LRBA: variants seen among roughly 807,000 people sequenced by gnomAD.
LRBA encodes the protein lipopolysaccharide-responsive and beige-like anchor protein.
Under a neutral mutation model 330.0 loss-of-function variants are expected in LRBA, and 176 were observed. The ratio of observed to expected loss-of-function variants is 0.53; its 90% CI spans 0.47 to 0.60. The LOEUF (loss-of-function observed/expected upper bound fraction) is 0.60, where lower values mean the gene tolerates loss of function less well. LRBA is among the 20% of genes least tolerant of loss of function. LRBA has a pLI of 0.00. For synonymous variants in LRBA, 1,230 were observed against 1,193.0 expected (o/e 1.03, Z -0.64); for missense variants, 3,259 against 3,444.8 (o/e 0.95, Z 1.35).
chr4:150,307,062 G>C (rs1730442434), intron 52 of LRBA, among the ~76,000 whole-genome samples: 1 of 151,880 alleles, frequency 6.6e-6, no homozygotes. Context: ...TTAATTATTA[G>C]TGTTATATGA....
At chr4:150,934,100 G>A (rs1734806061) in intron 2 of LRBA, among the ~76,000 whole-genome samples, 1 of 151,784 alleles carries the variant, frequency 6.6e-6, no homozygotes, top group Admixed American at 6.6e-5. Context: ...AATACAAATG[G>A]TATTAATACA....
chr4:150,359,526 T>C (rs948405972), intron 47 of LRBA, among the ~76,000 whole-genome samples: 2 of 152,210 alleles, frequency 1.3e-5, no homozygotes, highest in Non-Finnish European at 2.9e-5. Context: ...AGTTTGAACC[T>C]TAACCATACT....
At chr4:150,787,236 C>T (rs1460675526) in intron 34 of LRBA, among the ~76,000 whole-genome samples, 4 of 151,438 alleles carry the variant, frequency 2.6e-5, no homozygotes, top group Non-Finnish European at 5.9e-5. Context: ...AAAAAAAACA[C>T]TGATTCAGAA....
At chr4:150,300,542 T>A (rs1324987728) in intron 53 of LRBA, among the ~76,000 whole-genome samples, 1 of 151,978 alleles carries the variant, frequency 6.6e-6, no homozygotes, top group African/African-American at 2.4e-5. Context: ...ACACCTTAAC[T>A]CAGTTCTGTT....
chr4:150,433,620 C>A (rs570915193), intron 46 of LRBA, among the ~76,000 whole-genome samples: 70 of 151,856 alleles, frequency 4.6e-4, no homozygotes, highest in Non-Finnish European at 8.7e-4. Flanking sequence ...GAAAAAAAAA[C>A]CCACACATAA....
chr4:150,950,808 C>G (rs548335026), intron 2 of LRBA, among the ~76,000 whole-genome samples: 1 of 152,164 alleles, frequency 6.6e-6, no homozygotes, highest in East Asian at 1.9e-4. Context: ...GTACCTCACA[C>G]CCAGGTCACA....
At chr4:150,717,119 A>G (rs1205087804) in intron 36 of LRBA, among the ~76,000 whole-genome samples, 2 of 152,214 alleles carry the variant, frequency 1.3e-5, no homozygotes, top group African/African-American at 4.8e-5. Flanking sequence ...TATACTAGCT[A>G]TATGACCTAA....
chr4:150,412,655 A>C (rs1747168387), intron 47 of LRBA, among the ~76,000 whole-genome samples: 1 of 152,102 alleles, frequency 6.6e-6, no homozygotes, highest in Non-Finnish European at 1.5e-5. Flanking sequence ...AGTGAAGTAA[A>C]CATACTAACA....
chr4:150,929,496 T>C (rs1449999883), intron 2 of LRBA, among the ~76,000 whole-genome samples: 2 of 152,330 alleles, frequency 1.3e-5, no homozygotes, highest in Non-Finnish European at 2.9e-5. Context: ...CTCAGAGTGG[T>C]CACACATTGG....
At chr4:150,334,250 G>C (rs1436226535) in intron 48 of LRBA, among the ~76,000 whole-genome samples, 1 of 151,808 alleles carries the variant, frequency 6.6e-6, no homozygotes, top group Non-Finnish European at 1.5e-5. Flanking sequence ...CAAGAAAATG[G>C]ATACACCAGG....
rs536499096 is a variant in LRBA at position 150,982,358 on chromosome 4, G to T, written c.216+32069C>A. ...TGTAATGTTTTAAATGGGCTTTAAA[G>T]CTTCAAAAACTAAAATGCCCCTTGA... On this transcript the variant is annotated intron_variant, in intron 2 of 56. Transcript: ENST00000651943. Among the ~76,000 whole-genome samples the T allele has an allele frequency of 3.3e-4, 50 of 152,180 alleles. 1 individual carries two copies. In the South Asian group the frequency reaches 9.7e-3, roughly 30 times the overall value.
Position 150,576,003 on chromosome 4 carries a change from A to T in LRBA, c.6330+12045T>A, listed in dbSNP as rs185286179. Among the ~76,000 whole-genome samples, 11 of 152,054 alleles carry T rather than the reference A, an allele frequency of 7.2e-5. No homozygotes were observed. The East Asian group carries it at 2.1e-3, about 29-fold the overall frequency. On this transcript the variant is annotated intron_variant, in intron 40 of 56. Coordinates refer to ENST00000651943, the MANE Select transcript of LRBA (RefSeq NM_001364905.1). ...TCTCCAGGTAGAAAAGTCACAAAGA[A>T]TAATCCACAAATTATACAATCATTT...
intron 40 of LRBA, among the ~76,000 whole-genome samples, chr4:150,550,738 T>C (rs1254343832): frequency 1.3e-5 from 2 of 152,240 alleles, no homozygotes; most frequent in Non-Finnish European, 2.9e-5. Context: ...TCATTCATAA[T>C]AAATCACTGT....
At chr4:150,758,883 AC>A (rs1734692446) in intron 35 of LRBA, among the ~76,000 whole-genome samples, 1 of 150,414 alleles carries the variant, frequency 6.6e-6, no homozygotes, top group South Asian at 2.1e-4. Flanking sequence ...CTATCTCTTC[AC>A]TTCTATCCTT....
chr4:150,369,834 T>C (rs1000314228), intron 47 of LRBA, among the ~76,000 whole-genome samples: 6 of 152,296 alleles, frequency 3.9e-5, no homozygotes, highest in African/African-American at 1.2e-4. Context: ...CATGCCTTTA[T>C]AAGAGCATTA....
chr4:150,725,853 A>G (rs1258174988), intron 36 of LRBA, among the ~76,000 whole-genome samples: 1 of 152,226 alleles, frequency 6.6e-6, no homozygotes, highest in African/African-American at 2.4e-5. Context: ...GTTACAGCAT[A>G]GAGTTTTTAT....
Position 150,417,081 on chromosome 4 carries a change from T to C in LRBA, c.7042-1491A>G, listed in dbSNP as rs190558413. On this transcript the variant is annotated intron_variant, in intron 46 of 56. Transcript: ENST00000651943. ...GGTTCTACCTACACAGTATATGCAG[T>C]GCTAAACATTTTAAGTATAAGTTTT... 1.8e-3 allele frequency among the ~76,000 whole-genome samples: 274 copies of C among 152,214 alleles called. 3 individuals are homozygous for C. Among genetic ancestry groups the C allele is most frequent in the African/African-American group, 6.5e-3 (269 of 41,558 alleles).
intron 44 of LRBA, 60 bp downstream of exon 44, chr4:150,467,613 C>A: frequency 1.9e-6 from 2 of 1,040,466 alleles, no homozygotes; most frequent in South Asian, 1.5e-5. Flanking sequence ...TAACGAAAGA[C>A]AATCCAATTT....
chr4:150,910,628 T>A (rs151257055), intron 9 of LRBA, among the ~76,000 whole-genome samples: 29 of 152,324 alleles, frequency 1.9e-4, no homozygotes, highest in African/African-American at 7.0e-4. Flanking sequence ...TTCCCCTTTT[T>A]AAATACTGTT....
Sources: allele counts gnomAD v4.1 joint callset (sites outside exome capture counted in the v4.1 genomes callset), GRCh38; gene constraint gnomAD v4.1.1; transcripts MANE v1.5; gene names NCBI Gene and HGNC (gene_info 2026-07-23, HGNC 2026-07-21).